KCND2: variants seen among roughly 807,000 people sequenced by gnomAD.
KCND2 encodes the protein A-type voltage-gated potassium channel KCND2.
A neutral mutation model predicts 54.4 loss-of-function variants in KCND2; 16 were observed. The observed-to-expected ratio is 0.29, with a 90% CI of 0.20 to 0.45. The LOEUF is 0.45. Among genes scored for constraint, KCND2 ranks in the 20% least tolerant of loss-of-function variants. The probability of loss-of-function intolerance (pLI) is 1.00; values close to 1 mark genes in which losing one functional copy is unlikely to be tolerated. For synonymous variants in KCND2, 317 were observed against 310.7 expected (o/e 1.02, Z -0.21); for missense variants, 486 against 824.2 (o/e 0.59, Z 5.02).
At chr7:120,297,405 TG>T (rs1483103842) in intron 1 of KCND2, among the ~76,000 whole-genome samples, 4 of 152,144 alleles carry the variant, frequency 2.6e-5, no homozygotes, top group Admixed American at 1.3e-4. Flanking sequence ...TTTTTATGGC[TG>T]AATAGTATTT....
chr7:120,468,769 T>C (rs1470149701), intron 1 of KCND2, among the ~76,000 whole-genome samples: 1 of 152,138 alleles, frequency 6.6e-6, no homozygotes, highest in Non-Finnish European at 1.5e-5. Flanking sequence ...GGCTGAATTT[T>C]AATGTGATCT....
At chr7:120,728,765 C>T (rs1792768845) in intron 1 of KCND2, among the ~76,000 whole-genome samples, 1 of 151,654 alleles carries the variant, frequency 6.6e-6, no homozygotes, top group South Asian at 2.1e-4. Flanking sequence ...CGACTGAGTA[C>T]ATAATATAAA....
chr7:120,686,967 T>G (rs1175768997), intron 1 of KCND2, among the ~76,000 whole-genome samples: 7 of 152,214 alleles, frequency 4.6e-5, no homozygotes, highest in East Asian at 3.9e-4. Context: ...TTTAGAGAGA[T>G]AGCATAACAA....
chr7:120,371,733 T>G (rs923659142), intron 1 of KCND2, among the ~76,000 whole-genome samples: 6 of 152,018 alleles, frequency 3.9e-5, no homozygotes, highest in Admixed American at 1.3e-4. Context: ...AAATACTTAC[T>G]ATTCTACTAC....
chr7:120,509,296 C>T (rs929354456), intron 1 of KCND2, among the ~76,000 whole-genome samples: 2 of 151,888 alleles, frequency 1.3e-5, no homozygotes, highest in Non-Finnish European at 2.9e-5. Context: ...AATAGTCTAT[C>T]ACTATTGCTT....
At chr7:120,534,018 A>T (rs1791873488) in intron 1 of KCND2, among the ~76,000 whole-genome samples, 1 of 152,158 alleles carries the variant, frequency 6.6e-6, no homozygotes, top group Non-Finnish European at 1.5e-5. Context: ...ATTTAACAAC[A>T]TTCATGAAAG....
At chr7:120,580,758 G>A (rs1448358835) in intron 1 of KCND2, among the ~76,000 whole-genome samples, 5 of 151,636 alleles carry the variant, frequency 3.3e-5, no homozygotes, top group African/African-American at 9.7e-5. Flanking sequence ...TATGAAGTTG[G>A]AATCTAAAAA....
intron 1 of KCND2, among the ~76,000 whole-genome samples, chr7:120,372,801 G>A (rs987309196): frequency 6.6e-6 from 1 of 151,768 alleles, no homozygotes; most frequent in African/African-American, 2.4e-5. Flanking sequence ...AGAGGAACAG[G>A]ACTGCTAAAT....
intron 1 of KCND2, among the ~76,000 whole-genome samples, chr7:120,397,099 A>G (rs1801166065): frequency 6.6e-6 from 1 of 152,066 alleles, no homozygotes; most frequent in South Asian, 2.1e-4. Flanking sequence ...AGACACCTGC[A>G]CTGTAGAATA....
intron 1 of KCND2, among the ~76,000 whole-genome samples, chr7:120,647,607 T>TG: frequency 6.6e-6 from 1 of 152,334 alleles, no homozygotes; most frequent in African/African-American, 2.4e-5. Context: ...TGACAAGATG[T>TG]GGCTGCAGAA....
chr7:120,316,552 GT>G (rs953182581), intron 1 of KCND2, among the ~76,000 whole-genome samples: 14 of 152,146 alleles, frequency 9.2e-5, no homozygotes, highest in African/African-American at 3.4e-4. Flanking sequence ...TGGTATAAAT[GT>G]TTCCTTTTTA....
At chr7:120,715,718 C>T (rs917780987) in intron 1 of KCND2, among the ~76,000 whole-genome samples, 5 of 152,074 alleles carry the variant, frequency 3.3e-5, no homozygotes, top group African/African-American at 1.2e-4. Flanking sequence ...CACATCACCA[C>T]AGTTCTACAT....
chr7:120,569,763 A>G (rs1792340139), intron 1 of KCND2, among the ~76,000 whole-genome samples: 2 of 152,132 alleles, frequency 1.3e-5, no homozygotes, highest in Non-Finnish European at 2.9e-5. Flanking sequence ...ACAGTATAAT[A>G]TTTCTCTAAG....
At chr7:120,318,151 C>T (rs1232336812) in intron 1 of KCND2, among the ~76,000 whole-genome samples, 1 of 151,994 alleles carries the variant, frequency 6.6e-6, no homozygotes, top group Non-Finnish European at 1.5e-5. Flanking sequence ...GGCTTCAGTT[C>T]TCACATCTAA....
At position 120,733,029 on chromosome 7, in the gene KCND2, C is replaced by T. The variant is rs1190773471; in HGVS notation, c.1242C>T (p.His414=). 1.9e-6 allele frequency: 3 copies of T among 1,613,590 alleles called. No homozygotes were observed. The highest frequency in any genetic ancestry group is 1.7e-6 in the Non-Finnish European group (2 of 1,179,720). ...TATCCAACTTCAGTCGCATCTACCACCAGAATCAACGAGCAGACAAACGAA... is the reference window on the plus strand; with the variant it reads ...TATCCAACTTCAGTCGCATCTACCATCAGAATCAACGAGCAGACAAACGAA... The part of the protein sequence containing the change: ...VIVSNFSRIY[H]QNQRADKRRA... The change falls in exon 2 of 6, where the codon CAC becomes CAT. Residue 414 remains histidine (H), a synonymous_variant. Transcript: ENST00000331113.
At chr7:120,620,214 A>T (rs1461223521) in intron 1 of KCND2, among the ~76,000 whole-genome samples, 3 of 152,044 alleles carry the variant, frequency 2.0e-5, no homozygotes, top group African/African-American at 7.2e-5. Flanking sequence ...ATTCTCTCAT[A>T]TGAAAAATTG....
At chr7:120,724,063 C>G (rs1792701987) in intron 1 of KCND2, among the ~76,000 whole-genome samples, 2 of 152,156 alleles carry the variant, frequency 1.3e-5, no homozygotes, top group African/African-American at 4.8e-5. Context: ...TCCCCTCACT[C>G]CCTGCCATAT....
At chr7:120,316,344 A>G (rs1351939101) in intron 1 of KCND2, among the ~76,000 whole-genome samples, 7 of 152,224 alleles carry the variant, frequency 4.6e-5, no homozygotes, top group Non-Finnish European at 8.8e-5. Flanking sequence ...GGCAATTTTC[A>G]GATTTACATT....
At chr7:120,327,058 A>C (rs1799988610) in intron 1 of KCND2, among the ~76,000 whole-genome samples, 1 of 152,116 alleles carries the variant, frequency 6.6e-6, no homozygotes, top group African/African-American at 2.4e-5. Flanking sequence ...GTTGACAATA[A>C]GTCTTTCTTA....
Sources: gnomAD v4.1 joint callset for allele counts (sites outside exome capture counted in the v4.1 genomes callset) on GRCh38, gnomAD v4.1.1 for gene constraint, MANE v1.5 for transcripts, NCBI Gene and HGNC (gene_info 2026-07-23, HGNC 2026-07-21) for gene names.